TMPO: variants seen among roughly 807,000 people sequenced by gnomAD.
TMPO encodes LEM domain containing 4.
In TMPO, 22 loss-of-function variants were observed where a neutral mutation model predicts 45.4. The ratio of observed to expected loss-of-function variants is 0.48; its 90% confidence interval spans 0.35 to 0.69. The LOEUF is 0.69. Among genes scored for constraint, TMPO ranks in the 30% least tolerant of loss-of-function variants. The pLI is 0.01. For missense variants in TMPO, 512 were observed against 548.8 expected (o/e 0.93, Z 0.67); for synonymous variants, 241 against 204.1 (o/e 1.18, Z -1.54).
chr12:98,541,828 T>A (rs1245506926), intron 4 of TMPO, among the ~76,000 whole-genome samples: 2 of 152,320 alleles, frequency 1.3e-5, no homozygotes, highest in South Asian at 4.1e-4. Flanking sequence ...ATATTTTGTT[T>A]CTTTTTAAAA....
At chr12:98,531,548 T>G (rs1877193091) in intron 2 of TMPO, 132 bp from the exon 3 acceptor site, 1 of 518,082 alleles carries the variant, frequency 1.9e-6, no homozygotes, top group Non-Finnish European at 3.0e-6. Flanking sequence ...TTATATGGTA[T>G]TTTTTTTTTT....
At chr12:98,546,506 A>G in intron 8 of TMPO, 59 bp downstream of exon 8, 3 of 1,266,508 alleles carry the variant, frequency 2.4e-6, no homozygotes, top group Non-Finnish European at 3.5e-6. Flanking sequence ...TTTATTTTTA[A>G]TTCTTCATCA....
intron 3 of TMPO, chr12:98,532,731 T>G: frequency 6.3e-7 from 1 of 1,592,444 alleles, no homozygotes; most frequent in South Asian, 1.1e-5. Flanking sequence ...AGTCTTTTCC[T>G]TTGACAGCAC....
chr12:98,542,892 T>A (rs1427791172), intron 4 of TMPO, among the ~76,000 whole-genome samples: 1 of 152,150 alleles, frequency 6.6e-6, no homozygotes, highest in Non-Finnish European at 1.5e-5. Flanking sequence ...AAAAAGCAGT[T>A]ACTCTGTGTA....
rs1220185804 is a variant in TMPO, at chr12:98,519,209, TTTTGTTTTG to T, written c.279+3075_279+3083del. On this transcript the variant is annotated intron_variant, in intron 1 of 8. Coordinates refer to ENST00000556029, the MANE Select transcript of TMPO (RefSeq NM_001032283.3). ...AATGAAGTAATTTTTGTTGTTGTTA[TTTTGTTTTG>T]TTTGTTTTGTTCTGAGACGGAGTCT... 4.6e-5 allele frequency among the ~76,000 whole-genome samples: 7 copies of T among 152,100 alleles called. No individual in the cohort carries two copies. The East Asian group carries it at 1.2e-3, about 25-fold the overall frequency.
intron 8 of TMPO, 122 bp downstream of exon 8, chr12:98,546,569 C>T: frequency 5.1e-6 from 4 of 780,506 alleles, no homozygotes; most frequent in Non-Finnish European, 9.0e-6. Context: ...GAGCCAGGTA[C>T]AATGGTACAT....
intron 2 of TMPO, among the ~76,000 whole-genome samples, chr12:98,531,125 A>G (rs1434345813): frequency 6.6e-6 from 1 of 151,322 alleles, no homozygotes; most frequent in Non-Finnish European, 1.5e-5. Context: ...TTTGTGGTAG[A>G]GACTGGGTTT....
Position 98,546,460 on chromosome 12 carries a change from ATT to A in TMPO, c.1079+15_1079+16del, listed in dbSNP as rs773795814. 5 of 1,525,678 alleles carry A rather than the reference ATT, an allele frequency of 3.3e-6. No individual in the cohort carries two copies. The highest frequency in any genetic ancestry group is 4.5e-6 in the Non-Finnish European group (5 of 1,099,668). 94.5% of individuals were successfully genotyped at this position (1,525,678 alleles called of 1,614,324 possible). A position where few individuals can be genotyped will look rare whatever the true frequency, so the allele number is the denominator to read the frequency against. Reference sequence around the variant, plus strand: ...CAACAGGAATTAGGTATTCAGATACATTTAAACAAGTACTAGTGTATTCTAGT... The same window carrying A: ...CAACAGGAATTAGGTATTCAGATACATAAACAAGTACTAGTGTATTCTAGT... On this transcript the variant is annotated intron_variant, in intron 8 of 8. Transcript: ENST00000556029.
chr12:98,530,409 A>G (rs999769390), intron 2 of TMPO, among the ~76,000 whole-genome samples: 1 of 152,180 alleles, frequency 6.6e-6, no homozygotes, highest in African/African-American at 2.4e-5. Context: ...ACATTAAATT[A>G]TATGTTGATG....
chr12:98,544,270 G>T lies in TMPO; in HGVS notation c.704G>T (p.Ser235Ile), dbSNP rs777983231. 1.9e-6 allele frequency: 3 copies of T among 1,613,968 alleles called. No homozygotes were observed. The Admixed American group carries it at 5.0e-5, about 27-fold the overall frequency. Residue 235 changes from serine to isoleucine, a missense_variant, in exon 5 of 9, where the codon AGT becomes ATT. Ser to Ile is a moderately radical substitution (Grantham distance 142, BLOSUM62 -2). This residue lies in a region of TMPO where 299 missense variants were observed against 296.7 expected (regional missense o/e 1.01). Transcript: ENST00000556029. ...GGAATAACTGAGACTGAATGGACAAGTGGATCTTCAAAAGGCGGACCTCTG... is the reference window on the plus strand; with the variant it reads ...GGAATAACTGAGACTGAATGGACAATTGGATCTTCAAAAGGCGGACCTCTG... ...QAGITETEWT[S>I]GSSKGGPLQA... is the part of the protein sequence containing the mutation.
chr12:98,534,326 G>A lies in TMPO; in HGVS notation c.565+2488G>A, dbSNP rs779219922. 1.7e-5 allele frequency: 28 copies of A among 1,612,428 alleles called. No homozygotes were observed. Among genetic ancestry groups the A allele is most frequent in the East Asian group, 1.3e-4 (6 of 44,890 alleles). On this transcript the variant is annotated intron_variant, in intron 3 of 8. Transcript: ENST00000556029. ...GAAGTATGCAAAGTAATTAAAAAGC[G>A]TGGAAATAAACACTAGTAAAATTAA... is the stretch of plus-strand genomic sequence containing the variant.
At chr12:98,543,328 A>G (rs1878037520) in intron 4 of TMPO, among the ~76,000 whole-genome samples, 1 of 152,252 alleles carries the variant, frequency 6.6e-6, no homozygotes, top group Non-Finnish European at 1.5e-5. Flanking sequence ...ATCTGGTAAT[A>G]GCGACTTCAA....
At chr12:98,522,064 C>G (rs776859097) in intron 1 of TMPO, among the ~76,000 whole-genome samples, 2 of 151,930 alleles carry the variant, frequency 1.3e-5, no homozygotes, top group African/African-American at 2.4e-5. Context: ...GATAGGGTCT[C>G]GCTCTGTCCC....
chr12:98,523,045 A>G (rs148516007), intron 1 of TMPO, among the ~76,000 whole-genome samples: 1 of 152,338 alleles, frequency 6.6e-6, no homozygotes, highest in African/African-American at 2.4e-5. Flanking sequence ...ATCGGGTAGC[A>G]TAGTAGGTAC....
Position 98,544,622 on chromosome 12 carries a change from A to G in TMPO, c.879+85A>G, listed in dbSNP as rs1878110803. 5 of 1,135,284 alleles carry G rather than the reference A, an allele frequency of 4.4e-6. No individual in the cohort carries two copies. In the East Asian group the frequency reaches 1.0e-4, roughly 23 times the overall value. 70.3% of individuals were successfully genotyped at this position (1,135,284 alleles called of 1,614,324 possible). A position where few individuals can be genotyped will look rare whatever the true frequency, so the allele number is the denominator to read the frequency against. ...AATGGGGAGGTGGTGAATTTTGGCA[A>G]ATCTCAAATTTACATGTTTTTTTTT... On this transcript the variant is annotated intron_variant, in intron 6 of 8. Coordinates refer to ENST00000556029, the MANE Select transcript of TMPO (RefSeq NM_001032283.3).
At chr12:98,531,306 A>G (rs530141263) in intron 2 of TMPO, among the ~76,000 whole-genome samples, 19 of 141,746 alleles carry the variant, frequency 1.3e-4, no homozygotes, top group Non-Finnish European at 2.4e-4. Flanking sequence ...GTGCGATCTC[A>G]GCTCACTGCA....
chr12:98,527,743 T>C lies in TMPO; in HGVS notation c.280-143T>C. 7 of 847,752 alleles carry C rather than the reference T, an allele frequency of 8.3e-6. No individual in the cohort carries two copies. In the South Asian group the frequency reaches 1.1e-4, roughly 13 times the overall value. The allele number at this position is 847,752 out of a possible 1,614,324, so 52.5% of individuals were successfully genotyped here. A position where few individuals can be genotyped will look rare whatever the true frequency, so the allele number is the denominator to read the frequency against. On this transcript the variant is annotated intron_variant, in intron 1 of 8. Coordinates refer to ENST00000556029, the MANE Select transcript of TMPO (RefSeq NM_001032283.3). ...AAAGTGTTCTCCAATAATGAGTTGC[T>C]CTTAATTTAATGGAATTGCTAAGGC...
Position 98,547,934 on chromosome 12 carries a change from G to T in TMPO, c.*76G>T. ...TGAAAAACATTTGTGTACACTTGTTGACTCCAAGAACTAAAAATAATGTGA... is the reference window on the plus strand; with the variant it reads ...TGAAAAACATTTGTGTACACTTGTTTACTCCAAGAACTAAAAATAATGTGA... On this transcript the variant is annotated 3_prime_UTR_variant, in exon 9 of 9. Transcript: ENST00000556029. 6.6e-7 allele frequency: 1 copy of T among 1,505,812 alleles called. No individual in the cohort carries two copies. Among genetic ancestry groups the T allele is most frequent in the Admixed American group, 1.8e-5 (1 of 55,028 alleles). The allele number at this position is 1,505,812 out of a possible 1,614,324, so 93.3% of individuals were successfully genotyped here. A position where few individuals can be genotyped will look rare whatever the true frequency, so the allele number is the denominator to read the frequency against.
Position 98,533,737 on chromosome 12 carries a change from T to C in TMPO, c.565+1899T>C, listed in dbSNP as rs1194435496. On this transcript the variant is annotated intron_variant, in intron 3 of 8. Coordinates refer to ENST00000556029, the MANE Select transcript of TMPO (RefSeq NM_001032283.3). ...AGATGCCTCAGAACTATCTTTTCCCTTCCATGAATCTATTTTAAAAGTAAT... is the reference window on the plus strand; with the variant it reads ...AGATGCCTCAGAACTATCTTTTCCCCTCCATGAATCTATTTTAAAAGTAAT... The C allele has an allele frequency of 1.9e-6, 3 of 1,614,218 alleles. No homozygotes were observed. The highest frequency in any genetic ancestry group is 3.3e-5 in the Admixed American group (2 of 60,026).
Sources: allele counts gnomAD v4.1 joint callset (sites outside exome capture counted in the v4.1 genomes callset), GRCh38; gene constraint gnomAD v4.1.1; regional missense constraint gnomAD v4.1.1; transcripts MANE v1.5; gene names NCBI Gene and HGNC (gene_info 2026-07-23, HGNC 2026-07-21).